Variants in PARP4 observed in about 807,000 individuals in gnomAD.
PARP4 encodes poly(ADP-ribose) polymerase family member 4, also known as protein mono-ADP-ribosyltransferase PARP4.
PARP4 carries 120 observed loss-of-function variants against 187.7 expected under a neutral mutation model. The observed-to-expected ratio is 0.64, with a 90% CI of 0.55 to 0.74. The LOEUF is 0.74. PARP4 is among the 30% of genes least tolerant of loss of function. The pLI, the probability that PARP4 is intolerant of heterozygous loss-of-function variation, is 0.00. For missense variants in PARP4, 1,836 were observed against 2,070.5 expected, an observed-to-expected ratio of 0.89 and a Z score of 2.20; for synonymous variants, 654 against 740.9, an observed-to-expected ratio of 0.88 and a Z score of 1.90.
chr13:24,463,215 G>A (rs753984248), intron 17 of PARP4, among the ~76,000 whole-genome samples: 2 of 152,000 alleles, frequency 1.3e-5, no homozygotes, highest in Non-Finnish European at 2.9e-5. Flanking sequence ...TAAGCCAGAA[G>A]ACAATGAAGT....
chr13:24,438,803 C>A (rs1056304754), intron 30 of PARP4, among the ~76,000 whole-genome samples: 1 of 152,130 alleles, frequency 6.6e-6, no homozygotes, highest in Non-Finnish European at 1.5e-5. Flanking sequence ...CAAGCTTCAG[C>A]GAGTCGGGAA....
chr13:24,447,557 C>T (rs1386731335), intron 25 of PARP4, among the ~76,000 whole-genome samples: 2 of 152,160 alleles, frequency 1.3e-5, no homozygotes, highest in African/African-American at 2.4e-5. Context: ...GATGGGGTTT[C>T]ACCATGTTGC....
chr13:24,494,524 C>A (rs755187872), intron 7 of PARP4, 49 bp downstream of exon 7: 1 of 1,505,138 alleles, frequency 6.6e-7, no homozygotes, highest in Non-Finnish European at 9.1e-7. Flanking sequence ...GAAAACATTT[C>A]TATTAAAAAT....
chr13:24,497,162 T>C (rs1869002866), intron 6 of PARP4, among the ~76,000 whole-genome samples: 2 of 152,132 alleles, frequency 1.3e-5, no homozygotes, highest in Non-Finnish European at 2.9e-5. Flanking sequence ...TTGTTTTAGA[T>C]TGGAACTGTG....
intron 9 of PARP4, among the ~76,000 whole-genome samples, chr13:24,491,341 C>G (rs1267295026): frequency 1.3e-5 from 2 of 152,148 alleles, no homozygotes; most frequent in East Asian, 3.9e-4. Context: ...AGGCTGGTCT[C>G]AAACTCCTGA....
chr13:24,458,597 CA>C (rs200175361), intron 20 of PARP4, among the ~76,000 whole-genome samples: 1 of 151,452 alleles, frequency 6.6e-6, no homozygotes, highest in Non-Finnish European at 1.5e-5. Context: ...ACAAAACAAA[CA>C]AAAAAAACTC....
intron 27 of PARP4, among the ~76,000 whole-genome samples, chr13:24,446,424 G>A (rs1381121980): frequency 1.3e-5 from 2 of 151,712 alleles, no homozygotes; most frequent in Non-Finnish European, 1.5e-5. Context: ...TGGCTTCCCT[G>A]GGCCACAGTG....
intron 20 of PARP4, among the ~76,000 whole-genome samples, chr13:24,458,279 T>G (rs1871995149): frequency 6.6e-6 from 1 of 152,032 alleles, no homozygotes; most frequent in South Asian, 2.1e-4. Context: ...CCGGCTAATT[T>G]TTTGTATTTT....
rs764930394 is a variant in PARP4 at position 24,464,665 on chromosome 13, T to TA, written c.2133+4358dup. 3.3e-5 allele frequency among the ~76,000 whole-genome samples: 5 copies of TA among 152,266 alleles called. No individual in the cohort carries two copies. The East Asian group carries it at 9.6e-4, about 29-fold the overall frequency. On this transcript the variant is annotated intron_variant, in intron 17 of 33. Coordinates refer to ENST00000381989, the MANE Select transcript of PARP4 (RefSeq NM_006437.4). ...AATAACTCGATACGGACTAAAGACT[T>TA]AAATATAAAACCAAAAACTATAAAA...
At chr13:24,485,190 G>T (rs114629574) in intron 11 of PARP4, among the ~76,000 whole-genome samples, 1,642 of 152,104 alleles carry the variant, frequency 0.011, 39 homozygotes, top group African/African-American at 0.037. Flanking sequence ...TAGTATTGAA[G>T]AACTTGTCTT....
At chr13:24,458,192 C>T (rs1008666312) in intron 20 of PARP4, among the ~76,000 whole-genome samples, 1 of 151,422 alleles carries the variant, frequency 6.6e-6, no homozygotes, top group Non-Finnish European at 1.5e-5. Context: ...TCACTGCAAG[C>T]TCCGCCTCCT....
chr13:24,444,645 G>T (rs1407040782), intron 27 of PARP4, among the ~76,000 whole-genome samples: 7 of 152,136 alleles, frequency 4.6e-5, no homozygotes, highest in Admixed American at 4.6e-4. Flanking sequence ...CAAACTTCTT[G>T]GTAATAATTT....
At position 24,466,685 on chromosome 13, in the gene PARP4, C is replaced by G. The variant is rs561997127; in HGVS notation, c.2133+2339G>C. ...TGGTATGTGCCTTTAGTCCTAGCTA[C>G]TTGGGAGGCTGGGGCAGGAGAATCG... On this transcript the variant is annotated intron_variant, in intron 17 of 33. Coordinates refer to ENST00000381989, the MANE Select transcript of PARP4 (RefSeq NM_006437.4). 3.3e-5 allele frequency among the ~76,000 whole-genome samples: 5 copies of G among 150,692 alleles called. No individual in the cohort carries two copies. In the East Asian group the frequency reaches 9.9e-4, roughly 30 times the overall value.
At chr13:24,510,549 G>A (rs554256987) in intron 1 of PARP4, among the ~76,000 whole-genome samples, 10 of 47,372 alleles carry the variant, frequency 2.1e-4, no homozygotes, top group South Asian at 1.4e-3. Context: ...GCGAGACTCC[G>A]TCTCAAAAAA....
chr13:24,436,793 A>G (rs1033157892), intron 30 of PARP4, among the ~76,000 whole-genome samples: 1 of 152,242 alleles, frequency 6.6e-6, no homozygotes, highest in African/African-American at 2.4e-5. Context: ...GATATTTTTG[A>G]AATAATTAGC....
At position 24,435,034 on chromosome 13, in the gene PARP4, C is replaced by A. The variant is rs761415596; in HGVS notation, c.4107G>T (p.Val1369=). 17 of 1,613,836 alleles carry A rather than the reference C, an allele frequency of 1.1e-5. No individual in the cohort carries two copies. Among genetic ancestry groups the A allele is most frequent in the Admixed American group, 1.0e-4 (6 of 60,008 alleles). The change falls in exon 31 of 34, where the codon GTG becomes GTT. Residue 1369 remains valine, a synonymous_variant. Coordinates refer to ENST00000381989, the MANE Select transcript of PARP4 (RefSeq NM_006437.4). The part of the protein sequence containing the change: ...FDASQFSQGP[V]PGTCADWIPQ... ...GGATCCAGTCAGCACAAGTGCCAGG[C>A]ACAGGGCCTTGGCTGAATTGAGATG... is the stretch of plus-strand genomic sequence containing the variant.
At chr13:24,461,756 G>C (rs1476069545) in intron 17 of PARP4, among the ~76,000 whole-genome samples, 2 of 152,188 alleles carry the variant, frequency 1.3e-5, no homozygotes, top group Non-Finnish European at 2.9e-5. Flanking sequence ...TGAAGCAAAA[G>C]CCTCCAGCTG....
chr13:24,434,018 A>G (rs1160854625), intron 31 of PARP4, among the ~76,000 whole-genome samples: 1 of 152,224 alleles, frequency 6.6e-6, no homozygotes, highest in Non-Finnish European at 1.5e-5. Context: ...CTTGTGCTCT[A>G]CTTCACAGTG....
chr13:24,507,127 A>G (rs1306432478), intron 1 of PARP4, among the ~76,000 whole-genome samples: 2 of 152,184 alleles, frequency 1.3e-5, no homozygotes, highest in Non-Finnish European at 2.9e-5. Context: ...GCCCACGCCC[A>G]ACCGGAACTT....
Sources: gnomAD v4.1 joint callset for allele counts (sites outside exome capture counted in the v4.1 genomes callset) on GRCh38, gnomAD v4.1.1 for gene constraint, MANE v1.5 for transcripts, NCBI Gene and HGNC (gene_info 2026-07-23, HGNC 2026-07-21) for gene names.